The following QSER1 variants were observed in gnomAD, a reference collection of about 807,000 sequenced individuals.
QSER1 encodes glutamine and serine-rich protein 1.
A neutral mutation model predicts 158.5 loss-of-function variants in QSER1; 49 were observed. The ratio of observed to expected loss-of-function variants is 0.31; its 90% confidence interval spans 0.25 to 0.39. The LOEUF is 0.39. Ranked by LOEUF, QSER1 falls within the 10% of genes least tolerant of loss-of-function variation. QSER1 has a pLI of 1.00. For synonymous variants in QSER1, 650 were observed against 715.5 expected (o/e 0.91, Z 1.46); for missense variants, 1,754 against 2,010.3 (o/e 0.87, Z 2.44).
chr11:32,955,416 A>T lies in QSER1; in HGVS notation c.4617+4A>T. ...AGAATTTGCTGCTACAAATAGTGTA[A>T]GTAAAATGCATGTTTACATTAGCCT... On this transcript the variant is annotated splice_donor_region_variant and intron_variant, in intron 6 of 12. Coordinates refer to ENST00000650167, the MANE Select transcript of QSER1 (RefSeq NM_001076786.3). The T allele has an allele frequency of 7.1e-7, 1 of 1,403,556 alleles. No homozygotes were observed. Among genetic ancestry groups the T allele is most frequent in the Non-Finnish European group, 9.9e-7 (1 of 1,009,514 alleles). The allele number at this position is 1,403,556 out of a possible 1,614,324, so 86.9% of individuals were successfully genotyped here. A position where few individuals can be genotyped will look rare whatever the true frequency, so the allele number is the denominator to read the frequency against.
chr11:32,969,451 G>A (rs1345908633), intron 10 of QSER1, among the ~76,000 whole-genome samples: 3 of 151,814 alleles, frequency 2.0e-5, no homozygotes, highest in Non-Finnish European at 1.5e-5. Context: ...CTTTTCCTTA[G>A]CACAGTTATC....
chr11:32,979,537 G>A lies in QSER1; in HGVS notation c.*3063G>A, dbSNP rs1185707037. Reference sequence around the variant, plus strand: ...TTGACACTAGAAACTGCCCATTTCTGTATTACACTATCAAATAGGAAACAT... The same window carrying A: ...TTGACACTAGAAACTGCCCATTTCTATATTACACTATCAAATAGGAAACAT... On this transcript the variant is annotated 3_prime_UTR_variant, in exon 13 of 13. Transcript: ENST00000650167. The A allele has an allele frequency of 6.6e-6, 1 of 152,056 alleles. No individual in the cohort carries two copies. The highest frequency in any genetic ancestry group is 2.4e-5 in the African/African-American group (1 of 41,400). 9.4% of individuals were successfully genotyped at this position (152,056 alleles called of 1,614,324 possible). A position where few individuals can be genotyped will look rare whatever the true frequency, so the allele number is the denominator to read the frequency against.
At chr11:32,902,696 T>C (rs923655020) in intron 1 of QSER1, among the ~76,000 whole-genome samples, 1 of 152,168 alleles carries the variant, frequency 6.6e-6, no homozygotes, top group Non-Finnish European at 1.5e-5. Context: ...TTAAGGTCTT[T>C]GAGGGTGAAG....
chr11:32,975,705 C>G (rs1564951126), intron 12 of QSER1: 1 of 1,076,986 alleles, frequency 9.3e-7, no homozygotes. Flanking sequence ...CACTGCCTTA[C>G]TTATTACTTA....
At chr11:32,956,566 G>A (rs988557049) in intron 7 of QSER1, among the ~76,000 whole-genome samples, 5 of 152,020 alleles carry the variant, frequency 3.3e-5, no homozygotes, top group Non-Finnish European at 7.4e-5. Flanking sequence ...TTATTATTGT[G>A]TATTAATGTG....
intron 8 of QSER1, among the ~76,000 whole-genome samples, chr11:32,964,317 C>T (rs995239521): frequency 2.0e-5 from 3 of 152,114 alleles, no homozygotes; most frequent in Non-Finnish European, 4.4e-5. Context: ...CCTCCAAATA[C>T]ATGGTAGTGA....
intron 3 of QSER1, among the ~76,000 whole-genome samples, chr11:32,931,033 ACT>A (rs1852037990): frequency 6.6e-6 from 1 of 151,966 alleles, no homozygotes; most frequent in Non-Finnish European, 1.5e-5. Flanking sequence ...ACTGCAGTTC[ACT>A]GTTTTTTTAT....
At chr11:32,944,515 G>C (rs1646932646) in intron 4 of QSER1, among the ~76,000 whole-genome samples, 1 of 151,972 alleles carries the variant, frequency 6.6e-6, no homozygotes, top group South Asian at 2.1e-4. Context: ...TTCAGGAGCA[G>C]GTTGTTCAGT....
intron 1 of QSER1, among the ~76,000 whole-genome samples, chr11:32,915,769 CATT>C (rs957894839): frequency 5.3e-5 from 8 of 152,102 alleles, no homozygotes; most frequent in African/African-American, 1.9e-4. Context: ...TTTTAAAAAA[CATT>C]ATTATATGGT....
intron 1 of QSER1, among the ~76,000 whole-genome samples, chr11:32,902,586 G>C (rs1007142777): frequency 6.6e-6 from 1 of 152,154 alleles, no homozygotes; most frequent in African/African-American, 2.4e-5. Context: ...CAACGCTTCT[G>C]TTTTCCCCAA....
At chr11:32,908,256 C>G (rs1249861907) in intron 1 of QSER1, among the ~76,000 whole-genome samples, 1 of 152,084 alleles carries the variant, frequency 6.6e-6, no homozygotes, top group Non-Finnish European at 1.5e-5. Flanking sequence ...TGGAGTTGTC[C>G]AATCCAGGCC....
rs546895624 is a variant in QSER1, at chr11:32,976,176, T to A, written c.5455-158T>A. Among the ~76,000 whole-genome samples the A allele has an allele frequency of 2.0e-5, 3 of 152,318 alleles. No homozygotes were observed. In the South Asian group the frequency reaches 6.2e-4, roughly 32 times the overall value. On this transcript the variant is annotated intron_variant, in intron 12 of 12. Transcript: ENST00000650167. Reference sequence around the variant, plus strand: ...TTTCTAGCCTTCCTTTCTGCCACCTTGGAGCCAAAGATGAGAGGATGAGAT... The same window carrying A: ...TTTCTAGCCTTCCTTTCTGCCACCTAGGAGCCAAAGATGAGAGGATGAGAT...
intron 1 of QSER1, among the ~76,000 whole-genome samples, chr11:32,895,899 G>A (rs1851548175): frequency 6.6e-6 from 1 of 152,108 alleles, no homozygotes; most frequent in Admixed American, 6.5e-5. Flanking sequence ...TAGTTTTATT[G>A]TACTAACAGT....
At position 32,975,309 on chromosome 11, in the gene QSER1, A is replaced by G; in HGVS notation, c.5420A>G (p.Tyr1807Cys). Residue 1807 changes from tyrosine (Y) to cysteine (C), a missense_variant, in exon 12 of 13, where the codon TAT (tyrosine) becomes TGT (cysteine). This residue lies in a region of QSER1 where 47 missense variants were observed against 90.7 expected (regional missense o/e 0.52). Transcript: ENST00000650167. Reference sequence around the variant, plus strand: ...TCTTTGTATCATTCACTCCATCATTATAAGTACCATGTTTATCTGATATGT... The same window carrying G: ...TCTTTGTATCATTCACTCCATCATTGTAAGTACCATGTTTATCTGATATGT... ...LYSLYHSLHH[Y>C]KYHVYLICKD... 1.9e-6 allele frequency: 3 copies of G among 1,596,392 alleles called. No homozygotes were observed. Among genetic ancestry groups the G allele is most frequent in the Non-Finnish European group, 2.6e-6 (3 of 1,165,104 alleles).
Position 32,946,764 on chromosome 11 carries a change from C to T in QSER1, c.4178-7093C>T, listed in dbSNP as rs1424270833. 9.9e-5 allele frequency among the ~76,000 whole-genome samples: 15 copies of T among 152,054 alleles called. No homozygotes were observed. The South Asian group carries it at 2.7e-3, about 27-fold the overall frequency. ...GAGCTGTGGTGGGCTCCACCCAGTT[C>T]AAGCTTCCCGGCTGCTTTGTTTACC... On this transcript the variant is annotated intron_variant, in intron 4 of 12. Coordinates refer to ENST00000650167, the MANE Select transcript of QSER1 (RefSeq NM_001076786.3).
chr11:32,936,242 T>C (rs1852151765), intron 4 of QSER1, among the ~76,000 whole-genome samples: 1 of 142,030 alleles, frequency 7.0e-6, no homozygotes, highest in African/African-American at 2.6e-5. Flanking sequence ...CCTGTGCCCA[T>C]GTGTTCTCAT....
intron 8 of QSER1, among the ~76,000 whole-genome samples, chr11:32,960,181 C>T (rs1852596360): frequency 6.6e-6 from 1 of 152,046 alleles, no homozygotes; most frequent in South Asian, 2.1e-4. Context: ...AGTTCAAGAC[C>T]AACCTAGACA....
chr11:32,931,739 A>T lies in QSER1; in HGVS notation c.485-4A>T, dbSNP rs1852049070. Reference sequence around the variant, plus strand: ...ATAAAAATCTTTGTGCCTTTTCTTCATAGGCATGCATTCCTCAGCAGCAAC... The same window carrying T: ...ATAAAAATCTTTGTGCCTTTTCTTCTTAGGCATGCATTCCTCAGCAGCAAC... On this transcript the variant is annotated splice_polypyrimidine_tract_variant and splice_region_variant and intron_variant, in intron 3 of 12. Coordinates refer to ENST00000650167, the MANE Select transcript of QSER1 (RefSeq NM_001076786.3). The T allele has an allele frequency of 6.4e-7, 1 of 1,568,092 alleles. No homozygotes were observed. The highest frequency in any genetic ancestry group is 1.2e-5 in the South Asian group (1 of 83,438).
At position 32,942,624 on chromosome 11, in the gene QSER1, T is replaced by C. The variant is rs529975439; in HGVS notation, c.4177+7189T>C. On this transcript the variant is annotated intron_variant, in intron 4 of 12. Transcript: ENST00000650167. ...TTTTGGTACCAGTACCATGCTGTTT[T>C]GGTTCCTGTAGCCTTGTAGTATAGT... Among the ~76,000 whole-genome samples the C allele has an allele frequency of 2.0e-5, 3 of 152,370 alleles. No homozygotes were observed. The East Asian group carries it at 5.8e-4, about 29-fold the overall frequency.
Sources: gnomAD v4.1 joint callset for allele counts (sites outside exome capture counted in the v4.1 genomes callset) on GRCh38, gnomAD v4.1.1 for gene constraint, gnomAD v4.1.1 regional missense constraint, MANE v1.5 for transcripts, NCBI Gene and HGNC (gene_info 2026-07-23, HGNC 2026-07-21) for gene names.